MICALL1: variants seen among roughly 807,000 people sequenced by gnomAD.
MICALL1 encodes MICAL like 1.
In MICALL1, 61 loss-of-function variants were observed where a neutral mutation model predicts 83.7. The observed-to-expected ratio is 0.73, with a 90% CI of 0.59 to 0.90. MICALL1 has a LOEUF of 0.90. MICALL1 is among the 40% of genes least tolerant of loss of function. The pLI, the probability that MICALL1 is intolerant of heterozygous loss-of-function variation, is 0.00. For missense variants in MICALL1, 1,066 were observed against 1,152.0 expected, an observed-to-expected ratio of 0.93 and a Z score of 1.08; for synonymous variants, 481 against 473.6, an observed-to-expected ratio of 1.02 and a Z score of -0.20.
chr22:37,936,149 G>C (rs1448481201), intron 13 of MICALL1, among the ~76,000 whole-genome samples: 1 of 152,194 alleles, frequency 6.6e-6, no homozygotes, highest in Admixed American at 6.5e-5. Context: ...TAGGGCCCCA[G>C]TGGGCCCCTG....
chr22:37,922,153 G>A lies in MICALL1; in HGVS notation c.751G>A (p.Asp251Asn). 1 of 1,613,234 alleles carries A rather than the reference G, an allele frequency of 6.2e-7. No homozygotes were observed. The highest frequency in any genetic ancestry group is 8.5e-7 in the Non-Finnish European group (1 of 1,180,000). ...HQQQLAEDAK[D>N]VPGGGPSSSA... ...GCAGCAACTCGCAGAAGATGCCAAGGATGTTCCAGGAGGCGGCCCCAGCTC... is the reference window on the plus strand; with the variant it reads ...GCAGCAACTCGCAGAAGATGCCAAGAATGTTCCAGGAGGCGGCCCCAGCTC... Residue 251 changes from aspartate (D) to asparagine (N), a missense_variant, in exon 6 of 16, where the codon GAT (aspartate) becomes AAT (asparagine). Transcript: ENST00000215957.
At position 37,933,124 on chromosome 22, in the gene MICALL1, C is replaced by G; in HGVS notation, c.2308+12C>G. On this transcript the variant is annotated intron_variant, in intron 13 of 15. Transcript: ENST00000215957. ...CCTCAATAAGCCAGGTGAGTGCAGC[C>G]ACTGGCACTCCCCTGGCACCTGCCC... is the stretch of plus-strand genomic sequence containing the variant. The G allele has an allele frequency of 6.2e-7, 1 of 1,612,804 alleles. No homozygotes were observed. The highest frequency in any genetic ancestry group is 8.5e-7 in the Non-Finnish European group (1 of 1,179,344).
In MICALL1 at chr22:37,942,230, A is replaced by C. The variant is rs1040645194; in HGVS notation, c.*1400A>C. The C allele has an allele frequency of 2.6e-5, 4 of 152,164 alleles. No homozygotes were observed. The highest frequency in any genetic ancestry group is 9.7e-5 in the African/African-American group (4 of 41,436). 9.4% of individuals were successfully genotyped at this position (152,164 alleles called of 1,614,324 possible). A position where few individuals can be genotyped will look rare whatever the true frequency, so the allele number is the denominator to read the frequency against. ...AGCCCCTGGCAGGCTCCTTCTAAAC[A>C]TGCCTGTTGACCTGGAGCTGGCGCC... On this transcript the variant is annotated 3_prime_UTR_variant, in exon 16 of 16. Coordinates refer to ENST00000215957, the MANE Select transcript of MICALL1 (RefSeq NM_033386.4).
In MICALL1 at chr22:37,922,432, C is replaced by A. The variant is rs1308692924; in HGVS notation, c.1024+6C>A. The A allele has an allele frequency of 2.0e-6, 3 of 1,512,634 alleles. No homozygotes were observed. The highest frequency in any genetic ancestry group is 4.9e-5 in the East Asian group (2 of 40,824). The allele number at this position is 1,512,634 out of a possible 1,614,324, so 93.7% of individuals were successfully genotyped here. On this transcript the variant is annotated splice_donor_region_variant and intron_variant, in intron 6 of 15. Transcript: ENST00000215957. ...CAGCAGCAGCCTGGTGAACGGTGAG[C>A]AGGGTGCAGTCAGGGCAGGGGGCAC...
intron 1 of MICALL1, among the ~76,000 whole-genome samples, chr22:37,908,169 A>G (rs1928086728): frequency 1.3e-5 from 2 of 152,124 alleles, no homozygotes; most frequent in South Asian, 4.1e-4. Context: ...CTCTCCAGGC[A>G]TCAGTGTCCT....
At chr22:37,920,535 C>T (rs571153088) in intron 5 of MICALL1, among the ~76,000 whole-genome samples, 5 of 151,496 alleles carry the variant, frequency 3.3e-5, no homozygotes, top group South Asian at 2.1e-4. Flanking sequence ...CCAGCACTTT[C>T]GGAGGCTGAG....
intron 3 of MICALL1, among the ~76,000 whole-genome samples, chr22:37,914,615 GCACA>G (rs750415790): frequency 3.5e-4 from 53 of 149,844 alleles, no homozygotes; most frequent in Admixed American, 2.5e-3. Flanking sequence ...ATGCGTGCGC[GCACA>G]CACACACACA....
intron 8 of MICALL1, 126 bp downstream of exon 8, chr22:37,926,169 A>G: frequency 3.3e-6 from 4 of 1,230,436 alleles, no homozygotes; most frequent in Non-Finnish European, 4.4e-6. Context: ...GTGACTTCTC[A>G]TTTAATCCTA....
At chr22:37,916,636 C>T (rs1042907341) in intron 3 of MICALL1, among the ~76,000 whole-genome samples, 2 of 152,188 alleles carry the variant, frequency 1.3e-5, no homozygotes, top group African/African-American at 2.4e-5. Flanking sequence ...TGTGCCACCA[C>T]GCTCAGTGGG....
Position 37,906,304 on chromosome 22 carries a change from G to T in MICALL1, c.-119G>T. ...GCCTCCGCCCCTCCCCTCGCCTGCC[G>T]GTCGGCGCCCGAGCTCGGAGCCGCA... On this transcript the variant is annotated 5_prime_UTR_variant, in exon 1 of 16. Transcript: ENST00000215957. This position sits in a 1 kb window ranked among gnomAD's most constrained non-coding sequence, Gnocchi z 4.4. The T allele has an allele frequency of 1.3e-6, 1 of 762,350 alleles. No individual in the cohort carries two copies. The highest frequency in any genetic ancestry group is 1.6e-6 in the Non-Finnish European group (1 of 626,932). The allele number at this position is 762,350 out of a possible 1,614,324, so 47.2% of individuals were successfully genotyped here.
At position 37,912,376 on chromosome 22, in the gene MICALL1, T is replaced by G. The variant is rs1203523877; in HGVS notation, c.221T>G (p.Leu74Arg). ...RLAFEVAEKELGIPALLDPND... is the reference protein window; with the variant it reads ...RLAFEVAEKERGIPALLDPND... ...GCCTTTGAAGTGGCTGAGAAGGAGC[T>G]GGGGATCCCCGCTCTCCTGGACCCC... is the stretch of plus-strand genomic sequence containing the variant. Residue 74 changes from leucine (L) to arginine (R), a missense_variant, in exon 3 of 16, where the codon CTG (leucine) becomes CGG (arginine). Physicochemically the swap from Leu to Arg is moderately radical, Grantham distance 102. Coordinates refer to ENST00000215957, the MANE Select transcript of MICALL1 (RefSeq NM_033386.4). The G allele has an allele frequency of 1.9e-6, 3 of 1,613,194 alleles. No homozygotes were observed. Among genetic ancestry groups the G allele is most frequent in the African/African-American group, 2.7e-5 (2 of 74,906 alleles).
chr22:37,914,280 G>A (rs989070164), intron 3 of MICALL1, among the ~76,000 whole-genome samples: 1 of 150,762 alleles, frequency 6.6e-6, no homozygotes, highest in African/African-American at 2.4e-5. Flanking sequence ...AGGCTGGAGT[G>A]CAATGGCGCG....
At chr22:37,936,753 G>T (rs141656115) in intron 13 of MICALL1, among the ~76,000 whole-genome samples, 3 of 152,128 alleles carry the variant, frequency 2.0e-5, no homozygotes, top group Admixed American at 6.5e-5. Context: ...TTAGCTGAGC[G>T]TGGTGGCAGG....
At chr22:37,912,035 C>CTG (rs1339788517) in intron 2 of MICALL1, 35 bp downstream of exon 2, 1 of 1,586,392 alleles carries the variant, frequency 6.3e-7, no homozygotes, top group African/African-American at 1.5e-5. Flanking sequence ...CCAAGAGGCT[C>CTG]TGTGTATGTG....
intron 7 of MICALL1, 40 bp from the exon 8 acceptor site, chr22:37,925,621 G>A (rs1338582346): frequency 2.6e-6 from 4 of 1,540,824 alleles, no homozygotes; most frequent in Non-Finnish European, 3.5e-6. Flanking sequence ...GCTGACCCTT[G>A]CCTCTGCTAA....
chr22:37,934,572 T>TGG (rs5845359), intron 13 of MICALL1, among the ~76,000 whole-genome samples: 64 of 143,674 alleles, frequency 4.5e-4, no homozygotes, highest in Middle Eastern at 3.7e-3. Context: ...TTATTTATTT[T>TGG]GGGGGGGGGT....
At chr22:37,911,137 G>C (rs988319313) in intron 1 of MICALL1, among the ~76,000 whole-genome samples, 1 of 152,208 alleles carries the variant, frequency 6.6e-6, no homozygotes, top group African/African-American at 2.4e-5. Context: ...CCCGTGCTGG[G>C]GCCCCCAGAC....
intron 1 of MICALL1, among the ~76,000 whole-genome samples, chr22:37,908,726 CA>C (rs1363220751): frequency 6.6e-6 from 1 of 152,226 alleles, no homozygotes; most frequent in Non-Finnish European, 1.5e-5. Flanking sequence ...CACGCTCTCC[CA>C]CACCTGTAGG....
intron 13 of MICALL1, 134 bp downstream of exon 13, chr22:37,933,246 G>A: frequency 1.1e-6 from 1 of 873,112 alleles, no homozygotes; most frequent in Non-Finnish European, 1.8e-6. Flanking sequence ...AGGAGGTGCG[G>A]GGCAGGGCTG....
Sources: gnomAD v4.1 joint callset for allele counts (sites outside exome capture counted in the v4.1 genomes callset) on GRCh38, gnomAD v4.1.1 for gene constraint, Gnocchi (gnomAD v3.1) non-coding constraint, MANE v1.5 for transcripts, NCBI Gene and HGNC (gene_info 2026-07-23, HGNC 2026-07-21) for gene names.